CARMIL1: variants seen among roughly 807,000 people sequenced by gnomAD.
CARMIL1 encodes the protein capping protein regulator and myosin 1 linker 1.
CARMIL1 carries 90 observed loss-of-function variants against 177.1 expected under a neutral mutation model. That is an observed-to-expected ratio of 0.51 (90% CI 0.43 to 0.61). The LOEUF is 0.61. Among genes scored for constraint, CARMIL1 ranks in the 20% least tolerant of loss-of-function variants. CARMIL1 has a pLI of 0.00. For synonymous variants in CARMIL1, 577 were observed against 606.2 expected, an observed-to-expected ratio of 0.95 and a Z score of 0.71; for missense variants, 1,380 against 1,667.0, an observed-to-expected ratio of 0.83 and a Z score of 3.00.
intron 2 of CARMIL1, among the ~76,000 whole-genome samples, chr6:25,285,931 G>T (rs151088840): frequency 1.3e-5 from 2 of 152,128 alleles, no homozygotes; most frequent in African/African-American, 2.4e-5. Context: ...GAGTGCAATG[G>T]TGTGATCTTG....
rs1027796361 is a variant in CARMIL1, at chr6:25,509,338, A to T, written c.1396-318A>T. 6.6e-6 allele frequency among the ~76,000 whole-genome samples: 1 copy of T among 152,214 alleles called. No individual in the cohort carries two copies. The highest frequency in any genetic ancestry group is 2.4e-5 in the African/African-American group (1 of 41,458). On this transcript the variant is annotated intron_variant, in intron 17 of 36. Coordinates refer to ENST00000329474, the MANE Select transcript of CARMIL1 (RefSeq NM_017640.6). The surrounding 1 kb of genome is among the most constrained non-coding windows in gnomAD (Gnocchi z 4.1). ...TTTATTAAATTTCCAAAAGTCAGAA[A>T]TGAAGAAATTCTTCTGGGTTGATAA...
chr6:25,602,179 G>A (rs1815476985), intron 33 of CARMIL1, among the ~76,000 whole-genome samples: 3 of 152,094 alleles, frequency 2.0e-5, no homozygotes, highest in Admixed American at 2.0e-4. Flanking sequence ...TTCTTTAATT[G>A]CAGAACCCTC....
At chr6:25,320,555 T>A (rs538482038) in intron 2 of CARMIL1, among the ~76,000 whole-genome samples, 1 of 152,354 alleles carries the variant, frequency 6.6e-6, no homozygotes, top group Admixed American at 6.5e-5. Flanking sequence ...TTATCCACCC[T>A]CTACCCCTAA....
chr6:25,377,170 G>A (rs1791071418), intron 2 of CARMIL1, among the ~76,000 whole-genome samples: 1 of 152,186 alleles, frequency 6.6e-6, no homozygotes, highest in African/African-American at 2.4e-5. Flanking sequence ...CTCCCATGGG[G>A]GAAGCCTCAG....
At chr6:25,305,232 C>T (rs1783171079) in intron 2 of CARMIL1, among the ~76,000 whole-genome samples, 1 of 152,124 alleles carries the variant, frequency 6.6e-6, no homozygotes, top group Non-Finnish European at 1.5e-5. Flanking sequence ...AGTGCTAATA[C>T]TTTAAAAGGT....
At chr6:25,499,310 GC>G (rs1411395968) in intron 16 of CARMIL1, among the ~76,000 whole-genome samples, 1 of 152,146 alleles carries the variant, frequency 6.6e-6, no homozygotes, top group Non-Finnish European at 1.5e-5. Context: ...GGAGTTATTG[GC>G]ACACATATCT....
chr6:25,355,060 C>T (rs902180537), intron 2 of CARMIL1, among the ~76,000 whole-genome samples: 4 of 152,132 alleles, frequency 2.6e-5, no homozygotes, highest in Non-Finnish European at 5.9e-5. Context: ...ATACCCTCTC[C>T]TTGGGTAGCT....
At chr6:25,469,047 TATACTG>T (rs762107199) in intron 9 of CARMIL1, among the ~76,000 whole-genome samples, 11 of 152,184 alleles carry the variant, frequency 7.2e-5, no homozygotes, top group Non-Finnish European at 1.2e-4. Context: ...GATAAAGAAT[TATACTG>T]ATAAGGGTGT....
intron 1 of CARMIL1, among the ~76,000 whole-genome samples, chr6:25,280,293 G>C (rs1408522770): frequency 6.6e-6 from 1 of 152,184 alleles, no homozygotes; most frequent in Non-Finnish European, 1.5e-5. Context: ...TCCGGCACGT[G>C]TCAGGCGCTT....
chr6:25,355,254 A>T (rs941886644), intron 2 of CARMIL1, among the ~76,000 whole-genome samples: 1 of 152,170 alleles, frequency 6.6e-6, no homozygotes, highest in Non-Finnish European at 1.5e-5. Context: ...ACTGCCCTTA[A>T]TCTTTCCTCT....
intron 2 of CARMIL1, among the ~76,000 whole-genome samples, chr6:25,393,725 TA>T (rs199917325): frequency 6.7e-6 from 1 of 149,946 alleles, no homozygotes; most frequent in Non-Finnish European, 1.5e-5. Context: ...TTTTTTTTTT[TA>T]ATTAGCTGTA....
intron 17 of CARMIL1, among the ~76,000 whole-genome samples, chr6:25,501,358 A>G (rs913886141): frequency 3.9e-5 from 6 of 152,150 alleles, no homozygotes; most frequent in Non-Finnish European, 8.8e-5. Flanking sequence ...AGTCTCCTGC[A>G]TGCGTGCATC....
Position 25,509,605 on chromosome 6 carries a change from A to G in CARMIL1, c.1396-51A>G. 1.7e-6 allele frequency: 2 copies of G among 1,201,160 alleles called. No individual in the cohort carries two copies. Among genetic ancestry groups the G allele is most frequent in the Non-Finnish European group, 1.2e-6 (1 of 830,876 alleles). 74.4% of individuals were successfully genotyped at this position (1,201,160 alleles called of 1,614,324 possible). ...CTCCTATTTTTAATTTTTTGATTAC[A>G]TCTCCAGTAGAGTGAAGACTTTACT... On this transcript the variant is annotated intron_variant, in intron 17 of 36. Transcript: ENST00000329474. This position sits in a 1 kb window ranked among gnomAD's most constrained non-coding sequence, Gnocchi z 4.1.
intron 31 of CARMIL1, among the ~76,000 whole-genome samples, chr6:25,585,151 G>A (rs114296872): frequency 0.019 from 2,950 of 152,272 alleles, 78 homozygotes; most frequent in African/African-American, 0.061. Flanking sequence ...GCTGCTTACA[G>A]TTTCCAAAGT....
At chr6:25,465,659 A>G in intron 8 of CARMIL1, 1 of 510,750 alleles carries the variant, frequency 2.0e-6, no homozygotes. Context: ...CTTTGGAAGT[A>G]GGAAACAGAG....
intron 2 of CARMIL1, among the ~76,000 whole-genome samples, chr6:25,403,081 G>GTT (rs71969807): frequency 0.04 from 5,685 of 142,852 alleles, 396 homozygotes; most frequent in East Asian, 0.27. Context: ...TCCATAAAGA[G>GTT]TTTTTTTTTT....
chr6:25,507,334 T>C lies in CARMIL1; in HGVS notation c.1396-2322T>C, dbSNP rs1378998101. ...TATTTTCTTATCTGAATTTTTGTTT[T>C]GGGAGAAAATTTTAGTTAGAAGTAT... is the stretch of plus-strand genomic sequence containing the variant. On this transcript the variant is annotated intron_variant, in intron 17 of 36. Coordinates refer to ENST00000329474, the MANE Select transcript of CARMIL1 (RefSeq NM_017640.6). The C allele has an allele frequency of 2.0e-5, 3 of 152,614 alleles. No homozygotes were observed. The East Asian group carries it at 5.8e-4, about 29-fold the overall frequency. The allele number at this position is 152,614 out of a possible 1,614,324, so 9.5% of individuals were successfully genotyped here.
intron 2 of CARMIL1, among the ~76,000 whole-genome samples, chr6:25,345,704 C>G (rs1787438643): frequency 6.6e-6 from 1 of 152,206 alleles, no homozygotes; most frequent in South Asian, 2.1e-4. Context: ...GCAACCTCCA[C>G]CTCCCAGGTT....
At position 25,586,918 on chromosome 6, in the gene CARMIL1, C is replaced by T. The variant is rs375073137; in HGVS notation, c.3006+5479C>T. Reference sequence around the variant, plus strand: ...AGATGGCAGCAGTACAGTCCAGCCTCGGCTCGGCATCAGATAGAGACCGTG... The same window carrying T: ...AGATGGCAGCAGTACAGTCCAGCCTTGGCTCGGCATCAGATAGAGACCGTG... On this transcript the variant is annotated intron_variant, in intron 31 of 36. Transcript: ENST00000329474. Among the ~76,000 whole-genome samples, 125 of 151,602 alleles carry T rather than the reference C, an allele frequency of 8.2e-4. 3 individuals carry two copies. In the East Asian group the frequency reaches 0.022, roughly 27 times the overall value.
Sources: allele counts gnomAD v4.1 joint callset (sites outside exome capture counted in the v4.1 genomes callset), GRCh38; gene constraint gnomAD v4.1.1; non-coding constraint Gnocchi (gnomAD v3.1); transcripts MANE v1.5; gene names NCBI Gene and HGNC (gene_info 2026-07-23, HGNC 2026-07-21).